The following ATP13A4 variants were observed in gnomAD, a reference collection of about 807,000 sequenced individuals.
The protein encoded by ATP13A4 is probable cation-transporting ATPase 13A4.
In ATP13A4, 114 loss-of-function variants were observed where a neutral mutation model predicts 142.5. The observed-to-expected ratio is 0.80, with a 90% CI of 0.69 to 0.93. The LOEUF (loss-of-function observed/expected upper bound fraction) is 0.93. Ranked by LOEUF, ATP13A4 falls within the 40% of genes least tolerant of loss-of-function variation. The pLI is 0.00. For missense variants in ATP13A4, 1,392 were observed against 1,454.0 expected, an observed-to-expected ratio of 0.96 and a Z score of 0.69; for synonymous variants, 488 against 514.8, an observed-to-expected ratio of 0.95 and a Z score of 0.70.
intron 25 of ATP13A4, among the ~76,000 whole-genome samples, chr3:193,433,590 T>G (rs913255325): frequency 6.6e-6 from 1 of 152,220 alleles, no homozygotes; most frequent in Non-Finnish European, 1.5e-5. Flanking sequence ...TTTTAAGTGT[T>G]TAGTGACCAT....
chr3:193,497,788 G>T (rs915310185), intron 3 of ATP13A4, among the ~76,000 whole-genome samples: 4 of 152,118 alleles, frequency 2.6e-5, no homozygotes, highest in Non-Finnish European at 5.9e-5. Context: ...GAACTTTGAA[G>T]AGATGTGAAA....
intron 8 of ATP13A4, among the ~76,000 whole-genome samples, chr3:193,473,566 T>C (rs888038504): frequency 6.6e-6 from 1 of 152,156 alleles, no homozygotes; most frequent in Non-Finnish European, 1.5e-5. Flanking sequence ...TAACCATTAA[T>C]TACAAAGAGG....
chr3:193,418,898 G>T (rs1472871269), intron 25 of ATP13A4: 4 of 150,796 alleles, frequency 2.7e-5, no homozygotes, highest in African/African-American at 7.3e-5. Flanking sequence ...ACTCCTGCCT[G>T]GTGCCCTGCC....
At chr3:193,465,716 C>G (rs1718236044) in intron 11 of ATP13A4, among the ~76,000 whole-genome samples, 1 of 152,056 alleles carries the variant, frequency 6.6e-6, no homozygotes, top group East Asian at 1.9e-4. Context: ...TCTAAATATG[C>G]TACTTTATTG....
At chr3:193,509,835 G>C (rs1165236204) in intron 2 of ATP13A4, among the ~76,000 whole-genome samples, 1 of 152,186 alleles carries the variant, frequency 6.6e-6, no homozygotes, top group Admixed American at 6.5e-5. Flanking sequence ...TTGAGAAAGA[G>C]AAAGCATGTG....
At chr3:193,536,803 T>C (rs1261860502) in intron 1 of ATP13A4, among the ~76,000 whole-genome samples, 1 of 152,106 alleles carries the variant, frequency 6.6e-6, no homozygotes, top group African/African-American at 2.4e-5. Context: ...CAAAAATTAA[T>C]TGTATTTCTA....
At position 193,438,207 on chromosome 3, in the gene ATP13A4, A is replaced by T. The variant is rs575785602; in HGVS notation, c.2672+268T>A. On this transcript the variant is annotated intron_variant, in intron 23 of 29. Coordinates refer to ENST00000342695, the MANE Select transcript of ATP13A4 (RefSeq NM_032279.4). ...TACATTTGAAAAATGGGGATGATTG[A>T]CACTTTCAAAGCAATAACAAGTTCC... Among the ~76,000 whole-genome samples, 43 of 152,314 alleles carry T rather than the reference A, an allele frequency of 2.8e-4. No individual in the cohort carries two copies. In the South Asian group the frequency reaches 4.1e-3, roughly 15 times the overall value.
intron 17 of ATP13A4, among the ~76,000 whole-genome samples, chr3:193,451,534 C>T (rs1717277123): frequency 6.6e-6 from 1 of 152,164 alleles, no homozygotes; most frequent in Non-Finnish European, 1.5e-5. Context: ...AGGAGTAATT[C>T]CTTAAGGGGT....
intron 23 of ATP13A4, 138 bp downstream of exon 23, chr3:193,438,337 T>C (rs540098619): frequency 1.8e-5 from 13 of 724,074 alleles, no homozygotes; most frequent in Admixed American, 1.6e-4. Context: ...GGAAGTAGAA[T>C]GCTTGACTGC....
At chr3:193,439,792 G>A (rs1249785105) in intron 21 of ATP13A4, among the ~76,000 whole-genome samples, 1 of 152,122 alleles carries the variant, frequency 6.6e-6, no homozygotes, top group African/African-American at 2.4e-5. Flanking sequence ...CTGCCATATG[G>A]AGGGAACTCG....
intron 17 of ATP13A4, among the ~76,000 whole-genome samples, chr3:193,450,356 G>T (rs1717207337): frequency 6.6e-6 from 1 of 152,160 alleles, no homozygotes; most frequent in Admixed American, 6.6e-5. Context: ...ATGCTCTGAG[G>T]CCTGTTGGGA....
chr3:193,427,017 T>C (rs1715703371), intron 25 of ATP13A4, among the ~76,000 whole-genome samples: 2 of 151,822 alleles, frequency 1.3e-5, no homozygotes, highest in Non-Finnish European at 2.9e-5. Flanking sequence ...AATAAAAAAC[T>C]TGGACATTAT....
intron 18 of ATP13A4, among the ~76,000 whole-genome samples, chr3:193,445,968 CAA>C (rs11310029): frequency 2.6e-3 from 379 of 145,212 alleles, no homozygotes; most frequent in Middle Eastern, 3.5e-3. Context: ...AAACTGGGTG[CAA>C]AAAAAAAAAA....
chr3:193,513,140 T>C (rs1344153194), intron 2 of ATP13A4, among the ~76,000 whole-genome samples: 1 of 152,216 alleles, frequency 6.6e-6, no homozygotes, highest in Admixed American at 6.5e-5. Flanking sequence ...CAAGTATTTC[T>C]TGAAGGGACC....
At chr3:193,422,121 T>A (rs1715433832) in intron 25 of ATP13A4, among the ~76,000 whole-genome samples, 1 of 149,952 alleles carries the variant, frequency 6.7e-6, no homozygotes, top group Non-Finnish European at 1.5e-5. Context: ...ATGCAAATGG[T>A]AATCAAAAGA....
intron 11 of ATP13A4, 66 bp from the exon 12 acceptor site, chr3:193,465,194 C>CT (rs374314805): frequency 0.022 from 26,370 of 1,213,476 alleles, 161 homozygotes; most frequent in African/African-American, 0.092. Flanking sequence ...GACTCTTTGC[C>CT]TTTTTTTTTT....
chr3:193,541,428 C>T lies in ATP13A4; in HGVS notation c.60+13312G>A, dbSNP rs373644039. Among the ~76,000 whole-genome samples, 11 of 119,428 alleles carry T rather than the reference C, an allele frequency of 9.2e-5. 1 individual carries two copies. The highest frequency in any genetic ancestry group is 2.5e-4 in the African/African-American group (9 of 36,020). 78.3% of individuals were successfully genotyped at this position (119,428 alleles called of 152,430 possible). ...TCACAGATTATCTATCTGTGATTAT[C>T]GATCACAGATTATTAACCTGCTTAC... On this transcript the variant is annotated intron_variant, in intron 1 of 29. Transcript: ENST00000342695.
intron 1 of ATP13A4, among the ~76,000 whole-genome samples, chr3:193,545,382 A>G (rs1268454793): frequency 6.6e-6 from 1 of 152,078 alleles, no homozygotes; most frequent in African/African-American, 2.4e-5. Flanking sequence ...AGCATTCAGG[A>G]CATTTGGGCC....
chr3:193,582,125 C>T lies in ATP13A4; in HGVS notation n.92-219G>A, dbSNP rs546452446. 2.1e-4 allele frequency among the ~76,000 whole-genome samples: 30 copies of T among 145,426 alleles called. No individual in the cohort carries two copies. The East Asian group carries it at 5.2e-3, about 25-fold the overall frequency. ...TATATATATAATATACACATATATACTTACATATGTATACTTTTCTTTTCT... is the reference window on the plus strand; with the variant it reads ...TATATATATAATATACACATATATATTTACATATGTATACTTTTCTTTTCT... On this transcript the variant is annotated intron_variant and non_coding_transcript_variant, in intron 1 of 3. Coordinates refer to the ATP13A4 transcript ENST00000489140.
Sources: allele counts gnomAD v4.1 joint callset (sites outside exome capture counted in the v4.1 genomes callset), GRCh38; gene constraint gnomAD v4.1.1; transcripts MANE v1.5; gene names NCBI Gene and HGNC (gene_info 2026-07-23, HGNC 2026-07-21).